The following CNTN4 variants were observed in gnomAD, a reference collection of about 807,000 sequenced individuals.
CNTN4 encodes the protein contactin-4.
A neutral mutation model predicts 122.5 loss-of-function variants in CNTN4; 77 were observed. The observed-to-expected ratio is 0.63, with a 90% CI of 0.52 to 0.76. The LOEUF (loss-of-function observed/expected upper bound fraction) is 0.76. Ranked by LOEUF, CNTN4 falls within the 30% of genes least tolerant of loss-of-function variation. The pLI, the probability that CNTN4 is intolerant of heterozygous loss-of-function variation, is 0.00. For synonymous variants in CNTN4, 512 were observed against 447.0 expected (o/e 1.15, Z -1.83); for missense variants, 1,256 against 1,259.1 (o/e 1.00, Z 0.04).
chr3:2,582,440 T>C (rs2079986132), intron 4 of CNTN4, among the ~76,000 whole-genome samples: 1 of 152,146 alleles, frequency 6.6e-6, no homozygotes, highest in African/African-American at 2.4e-5. Flanking sequence ...AGCTTCCCTG[T>C]TGTGTGTTTT....
chr3:2,338,606 TTATA>T (rs1390412032), intron 2 of CNTN4, among the ~76,000 whole-genome samples: 1 of 151,524 alleles, frequency 6.6e-6, no homozygotes, highest in African/African-American at 2.4e-5. Flanking sequence ...GTGTGTGTAT[TTATA>T]TATATATTTA....
intron 7 of CNTN4, among the ~76,000 whole-genome samples, chr3:2,833,964 A>G (rs1272523728): frequency 1.3e-5 from 2 of 151,898 alleles, no homozygotes; most frequent in East Asian, 1.9e-4. Context: ...ACACGGTGAA[A>G]CCCCGTCTTA....
chr3:2,545,781 C>G (rs538175515), intron 3 of CNTN4, among the ~76,000 whole-genome samples: 3 of 152,028 alleles, frequency 2.0e-5, no homozygotes, highest in Non-Finnish European at 2.9e-5. Flanking sequence ...AGGTAGGCCT[C>G]TCTTGAAGAC....
intron 7 of CNTN4, 29 bp from the exon 8 acceptor site, chr3:2,866,723 A>AT: frequency 1.3e-6 from 2 of 1,590,064 alleles, no homozygotes; most frequent in Non-Finnish European, 1.7e-6. Context: ...CAAAAGACAT[A>AT]TTTGTAATGA....
intron 2 of CNTN4, among the ~76,000 whole-genome samples, chr3:2,214,108 G>A (rs1200419417): frequency 6.6e-6 from 1 of 152,050 alleles, no homozygotes; most frequent in Non-Finnish European, 1.5e-5. Context: ...TTGGGAGGAG[G>A]GAATGATTTT....
At chr3:2,713,209 T>C (rs1191823498) in intron 4 of CNTN4, among the ~76,000 whole-genome samples, 1 of 152,040 alleles carries the variant, frequency 6.6e-6, no homozygotes, top group African/African-American at 2.4e-5. Flanking sequence ...CAAAATGATA[T>C]AGAAGGACCC....
intron 4 of CNTN4, among the ~76,000 whole-genome samples, chr3:2,700,771 G>T (rs574038153): frequency 6.6e-6 from 1 of 152,096 alleles, no homozygotes; most frequent in Non-Finnish European, 1.5e-5. Flanking sequence ...CCTCAAATTG[G>T]CCATGAATTT....
chr3:2,481,063 C>CTTTCTTTCTTTCTTTCTTTCTT (rs1575730827), intron 3 of CNTN4, among the ~76,000 whole-genome samples: 393 of 38,872 alleles, frequency 0.01, 1 homozygote, highest in African/African-American at 0.022. Context: ...CTTTCTTTCT[C>CTTTCTTTCTTTCTTTCTTTCTT]TCTTTCTCTC....
At chr3:2,571,834 T>C (rs2079434290) in intron 4 of CNTN4, among the ~76,000 whole-genome samples, 1 of 152,176 alleles carries the variant, frequency 6.6e-6, no homozygotes, top group South Asian at 2.1e-4. Flanking sequence ...GTTGTTATTT[T>C]TGCTCATCCC....
chr3:2,839,662 C>T (rs1050623101), intron 7 of CNTN4, among the ~76,000 whole-genome samples: 1 of 152,172 alleles, frequency 6.6e-6, no homozygotes, highest in Non-Finnish European at 1.5e-5. Flanking sequence ...TGGGAAGACC[C>T]TGAGGAAGTA....
intron 2 of CNTN4, among the ~76,000 whole-genome samples, chr3:2,116,922 CACTCAAAAACAATCAATAGAGAAGAT>C (rs1402380065): frequency 6.6e-6 from 1 of 151,992 alleles, no homozygotes; most frequent in African/African-American, 2.4e-5. Flanking sequence ...TCTATTCTCT[CACTCAAAAACAATCAATAGAGAAGAT>C]TTTTGTGACC....
At chr3:2,959,148 C>A (rs963951935) in intron 13 of CNTN4, among the ~76,000 whole-genome samples, 1 of 152,128 alleles carries the variant, frequency 6.6e-6, no homozygotes, top group East Asian at 1.9e-4. Flanking sequence ...TAAACTATTC[C>A]TTTGGGCAAG....
chr3:2,383,444 A>G (rs1050857965), intron 3 of CNTN4, among the ~76,000 whole-genome samples: 1 of 152,132 alleles, frequency 6.6e-6, no homozygotes, highest in African/African-American at 2.4e-5. Flanking sequence ...AACCCTTTGA[A>G]GTACGTACTA....
chr3:2,976,468 G>A (rs1448814197), intron 13 of CNTN4, among the ~76,000 whole-genome samples: 1 of 152,094 alleles, frequency 6.6e-6, no homozygotes, highest in African/African-American at 2.4e-5. Context: ...ATCTCTAAGG[G>A]AACTTTGTCA....
chr3:2,482,520 A>G (rs534234705), intron 3 of CNTN4, among the ~76,000 whole-genome samples: 6 of 152,194 alleles, frequency 3.9e-5, no homozygotes, highest in Non-Finnish European at 7.3e-5. Context: ...CACCATGACA[A>G]TGGGGAAACT....
chr3:2,821,133 T>A (rs1371187516), intron 7 of CNTN4, among the ~76,000 whole-genome samples: 1 of 151,816 alleles, frequency 6.6e-6, no homozygotes, highest in East Asian at 1.9e-4. Context: ...ATTTTTATAT[T>A]TTTAGTAGAG....
intron 3 of CNTN4, among the ~76,000 whole-genome samples, chr3:2,499,965 A>G (rs1403796238): frequency 6.6e-6 from 1 of 152,068 alleles, no homozygotes; most frequent in Non-Finnish European, 1.5e-5. Flanking sequence ...TGAATTTTGT[A>G]CTGAAGTATT....
chr3:2,206,628 C>T (rs531679853), intron 2 of CNTN4, among the ~76,000 whole-genome samples: 25 of 149,700 alleles, frequency 1.7e-4, no homozygotes, highest in Admixed American at 4.0e-4. Context: ...GTTTATTGAT[C>T]AATTATGGCC....
intron 3 of CNTN4, among the ~76,000 whole-genome samples, chr3:2,539,079 A>G (rs573252385): frequency 6.6e-6 from 1 of 151,990 alleles, no homozygotes; most frequent in African/African-American, 2.4e-5. Flanking sequence ...AACTATCCTA[A>G]CCATAAGAAG....
Sources: allele counts gnomAD v4.1 joint callset (sites outside exome capture counted in the v4.1 genomes callset), GRCh38; gene constraint gnomAD v4.1.1; transcripts MANE v1.5; gene names NCBI Gene and HGNC (gene_info 2026-07-23, HGNC 2026-07-21).